Variants in ROR1 observed in about 807,000 individuals in gnomAD.
ROR1 encodes ROR family WNT receptor 1.
In ROR1, 19 loss-of-function variants were observed where a neutral mutation model predicts 78.8. The observed-to-expected ratio is 0.24, with a 90% CI of 0.17 to 0.35. The LOEUF is 0.35. ROR1 is among the 10% of genes least tolerant of loss of function. ROR1 has a pLI of 1.00. For synonymous variants in ROR1, 386 were observed against 433.6 expected (o/e 0.89, Z 1.36); for missense variants, 917 against 1,177.8 (o/e 0.78, Z 3.24).
intron 4 of ROR1, among the ~76,000 whole-genome samples, chr1:64,125,114 A>G (rs578082123): frequency 3.3e-5 from 5 of 152,154 alleles, no homozygotes; most frequent in Admixed American, 3.3e-4. Context: ...CTAATGAAAA[A>G]ATTTGTCAAT....
chr1:64,067,749 G>T (rs1252142370), intron 4 of ROR1, among the ~76,000 whole-genome samples: 4 of 118,764 alleles, frequency 3.4e-5, no homozygotes, highest in African/African-American at 1.4e-4. Context: ...GTCTCGCTCT[G>T]TCACCGAGGC....
chr1:64,055,757 C>T (rs149084578), intron 4 of ROR1, among the ~76,000 whole-genome samples: 47 of 152,198 alleles, frequency 3.1e-4, no homozygotes, highest in African/African-American at 1.1e-3. Flanking sequence ...TTAAAGTGTG[C>T]GACTCAGTCT....
At chr1:64,023,593 G>A (rs1356094601) in intron 2 of ROR1, among the ~76,000 whole-genome samples, 1 of 152,056 alleles carries the variant, frequency 6.6e-6, no homozygotes, top group Non-Finnish European at 1.5e-5. Flanking sequence ...TTTATTTATT[G>A]TAGAAAATCT....
At chr1:63,971,480 C>T (rs1646119451) in intron 1 of ROR1, among the ~76,000 whole-genome samples, 1 of 152,050 alleles carries the variant, frequency 6.6e-6, no homozygotes, top group African/African-American at 2.4e-5. Context: ...TGATTAAGTA[C>T]CAGGTTAGCT....
At chr1:63,891,295 G>T (rs116352723) in intron 1 of ROR1, among the ~76,000 whole-genome samples, 3,357 of 152,206 alleles carry the variant, frequency 0.022, 69 homozygotes, top group African/African-American at 0.05. Flanking sequence ...TGGTAAATTG[G>T]AAATACCCTA....
intron 2 of ROR1, among the ~76,000 whole-genome samples, chr1:64,022,666 T>C (rs146029195): frequency 5.9e-5 from 9 of 152,274 alleles, no homozygotes; most frequent in Admixed American, 5.9e-4. Context: ...AGGGTAAAAA[T>C]GTCTACACGA....
intron 8 of ROR1, among the ~76,000 whole-genome samples, chr1:64,170,840 C>T (rs1181561215): frequency 2.0e-5 from 3 of 152,116 alleles, no homozygotes; most frequent in African/African-American, 4.8e-5. Flanking sequence ...GGAAAAATGC[C>T]GCCAGTCTCT....
At chr1:63,870,720 A>G (rs189932504) in intron 1 of ROR1, among the ~76,000 whole-genome samples, 1 of 152,316 alleles carries the variant, frequency 6.6e-6, no homozygotes, top group East Asian at 1.9e-4. Flanking sequence ...GGTAAGTAGT[A>G]TCCCTTCCCA....
At chr1:63,994,951 G>A (rs1012380774) in intron 1 of ROR1, among the ~76,000 whole-genome samples, 1 of 152,240 alleles carries the variant, frequency 6.6e-6, no homozygotes, top group African/African-American at 2.4e-5. Flanking sequence ...AGCTGTGGGA[G>A]GAGGGAGAGC....
At chr1:64,042,091 G>T (rs1272636307) in intron 2 of ROR1, among the ~76,000 whole-genome samples, 2 of 152,150 alleles carry the variant, frequency 1.3e-5, no homozygotes, top group East Asian at 3.9e-4. Flanking sequence ...TAATTACAGG[G>T]TTTAACAGGA....
intron 4 of ROR1, among the ~76,000 whole-genome samples, chr1:64,090,324 T>C (rs1647185707): frequency 6.6e-6 from 1 of 152,174 alleles, no homozygotes; most frequent in Admixed American, 6.5e-5. Context: ...ATAAATATTA[T>C]TAAGAAAAGC....
rs374512783 is a variant in ROR1 at position 64,177,809 on chromosome 1, G to A, written c.1768G>A (p.Gly590Arg). Residue 590 changes from glycine (G) to arginine (R), a missense_variant, in exon 9 of 9, where the codon GGA becomes AGA. Gly to Arg is a moderately radical substitution (Grantham distance 125). Coordinates refer to ENST00000371079, the MANE Select transcript of ROR1 (RefSeq NM_005012.4). ...DGTVKSSLDH[G>R]DFLHIAIQIA... ...GACTGTGAAATCCAGCCTGGACCAC[G>A]GAGATTTTCTGCACATTGCAATTCA... The A allele has an allele frequency of 1.4e-5, 22 of 1,614,140 alleles. No individual in the cohort carries two copies. The highest frequency in any genetic ancestry group is 8.0e-5 in the African/African-American group (6 of 75,030).
chr1:63,907,497 C>T (rs1439902229), intron 1 of ROR1, among the ~76,000 whole-genome samples: 2 of 152,202 alleles, frequency 1.3e-5, no homozygotes, highest in Non-Finnish European at 2.9e-5. Flanking sequence ...AAAAAGATAG[C>T]TTTGCCACAA....
At chr1:63,841,313 TTTA>T (rs1645048185) in intron 1 of ROR1, among the ~76,000 whole-genome samples, 2 of 152,234 alleles carry the variant, frequency 1.3e-5, no homozygotes, top group African/African-American at 4.8e-5. Flanking sequence ...TGTAAATTCC[TTTA>T]AGGAAGGGAC....
intron 1 of ROR1, among the ~76,000 whole-genome samples, chr1:63,893,601 G>A (rs187998694): frequency 5.3e-5 from 8 of 152,236 alleles, no homozygotes; most frequent in Admixed American, 2.6e-4. Flanking sequence ...CTGACTGGGC[G>A]TGGACATATG....
intron 1 of ROR1, among the ~76,000 whole-genome samples, chr1:63,918,113 G>C (rs764734424): frequency 6.6e-6 from 1 of 152,166 alleles, no homozygotes; most frequent in Non-Finnish European, 1.5e-5. Context: ...CGGGTGCCCC[G>C]GCACCTGCCG....
chr1:64,134,846 T>C (rs1649046839), intron 4 of ROR1, among the ~76,000 whole-genome samples: 1 of 151,596 alleles, frequency 6.6e-6, no homozygotes. Context: ...CCTCCTGGGT[T>C]CAAGTGATTC....
chr1:63,996,887 G>T (rs936965174), intron 1 of ROR1, among the ~76,000 whole-genome samples: 6 of 152,122 alleles, frequency 3.9e-5, no homozygotes, highest in Admixed American at 6.5e-5. Context: ...CATGTCAGGG[G>T]ACCTTAGGCA....
intron 7 of ROR1, among the ~76,000 whole-genome samples, chr1:64,144,646 A>G (rs1025898426): frequency 6.6e-5 from 10 of 152,186 alleles, no homozygotes; most frequent in African/African-American, 2.4e-4. Context: ...ACTGACACTC[A>G]GTAAGAATTA....
Sources: allele counts gnomAD v4.1 joint callset (sites outside exome capture counted in the v4.1 genomes callset), GRCh38; gene constraint gnomAD v4.1.1; transcripts MANE v1.5; gene names NCBI Gene and HGNC (gene_info 2026-07-23, HGNC 2026-07-21).